Variants in LRP4 observed in about 807,000 individuals in gnomAD.
The protein encoded by LRP4 is LDL receptor related protein 4.
LRP4 carries 95 observed loss-of-function variants against 220.3 expected under a neutral mutation model. That is an observed-to-expected ratio of 0.43 (90% CI 0.37 to 0.51). The LOEUF is 0.51. Among genes scored for constraint, LRP4 ranks in the 20% least tolerant of loss-of-function variants. LRP4 has a pLI of 0.00. For missense variants in LRP4, 1,925 were observed against 2,567.0 expected, an observed-to-expected ratio of 0.75 and a Z score of 5.40; for synonymous variants, 903 against 954.6, an observed-to-expected ratio of 0.95 and a Z score of 1.00.
intron 13 of LRP4, among the ~76,000 whole-genome samples, chr11:46,891,701 G>A (rs1003710104): frequency 1.3e-5 from 2 of 151,750 alleles, no homozygotes; most frequent in South Asian, 2.1e-4. Context: ...CTGCAGCCTC[G>A]AACTCCAGGG....
chr11:46,891,538 T>C (rs1034007315), intron 13 of LRP4, among the ~76,000 whole-genome samples: 1 of 152,048 alleles, frequency 6.6e-6, no homozygotes, highest in Non-Finnish European at 1.5e-5. Context: ...AGATACTCCC[T>C]CCATTGATTG....
intron 11 of LRP4, 143 bp downstream of exon 11, chr11:46,895,023 T>G: frequency 7.8e-7 from 1 of 1,273,980 alleles, no homozygotes; most frequent in Non-Finnish European, 1.1e-6. Flanking sequence ...AGCATTTTTC[T>G]TGGGGCTCAG....
chr11:46,879,486 C>T (rs1941099424), intron 20 of LRP4, among the ~76,000 whole-genome samples, 171 bp from the exon 21 acceptor site: 1 of 152,256 alleles, frequency 6.6e-6, no homozygotes, highest in South Asian at 2.1e-4. Flanking sequence ...CAATCTGTGA[C>T]TTGATCATGC....
At position 46,858,280 on chromosome 11, in the gene LRP4, C is replaced by G. The variant is rs1940431165; in HGVS notation, c.*703G>C. ...CAGTTATCTGAATGTAGAAACAGCT[C>G]CAGACATTCTAGGAGGAGGAAGAAC... On this transcript the variant is annotated 3_prime_UTR_variant, in exon 38 of 38. Coordinates refer to ENST00000378623, the MANE Select transcript of LRP4 (RefSeq NM_002334.4). The G allele has an allele frequency of 6.4e-6, 1 of 155,758 alleles. No homozygotes were observed. Among genetic ancestry groups the G allele is most frequent in the Non-Finnish European group, 1.4e-5 (1 of 70,082 alleles). 9.6% of individuals were successfully genotyped at this position (155,758 alleles called of 1,614,324 possible).
At chr11:46,872,613 A>G (rs1341370086) in intron 30 of LRP4, among the ~76,000 whole-genome samples, 1 of 152,098 alleles carries the variant, frequency 6.6e-6, no homozygotes, top group Non-Finnish European at 1.5e-5. Context: ...GCATGGTGGC[A>G]TGTGCCTATA....
intron 22 of LRP4, among the ~76,000 whole-genome samples, chr11:46,878,635 AGT>A (rs1941075807): frequency 6.6e-6 from 1 of 152,140 alleles, no homozygotes; most frequent in Admixed American, 6.6e-5. Context: ...ATGAGAGGAA[AGT>A]GTCTTGAGAA....
chr11:46,885,494 C>T (rs1941267524), intron 18 of LRP4, among the ~76,000 whole-genome samples: 1 of 152,144 alleles, frequency 6.6e-6, no homozygotes, highest in Non-Finnish European at 1.5e-5. Context: ...CCTGATTTGG[C>T]TAGGCGCGGT....
chr11:46,884,053 C>G, intron 18 of LRP4, 77 bp from the exon 19 acceptor site: 1 of 1,128,448 alleles, frequency 8.9e-7, no homozygotes, highest in South Asian at 1.2e-5. Context: ...ACACAAGAGC[C>G]TGGTATGCGC....
chr11:46,899,429 C>A lies in LRP4; in HGVS notation c.505G>T (p.Gly169Cys). ...SCIAEHWYCD[G>C]DTDCKDGSDE... ...GAGCCATCTTTGCAGTCGGTGTCAC[C>A]GTCGCAGTACCAATGCTCAGCAATG... The change falls in exon 5 of 38, where the codon GGT becomes TGT. Residue 169 changes from glycine to cysteine, a missense_variant. Physicochemically the swap from Gly to Cys is radical, Grantham distance 159 (BLOSUM62 -3). This residue lies in a region of LRP4 where 412 missense variants were observed against 505.4 expected (regional missense o/e 0.82). Coordinates refer to ENST00000378623, the MANE Select transcript of LRP4 (RefSeq NM_002334.4). This position sits in a 1 kb window ranked among gnomAD's most constrained non-coding sequence, Gnocchi z 5.9. 1 of 1,614,162 alleles carries A rather than the reference C, an allele frequency of 6.2e-7. No homozygotes were observed. The highest frequency in any genetic ancestry group is 8.5e-7 in the Non-Finnish European group (1 of 1,180,012).
chr11:46,905,512 T>C (rs1941745274), intron 1 of LRP4, among the ~76,000 whole-genome samples: 1 of 152,176 alleles, frequency 6.6e-6, no homozygotes, highest in Admixed American at 6.5e-5. Context: ...TGGCGGTGCT[T>C]ACCGACATCT....
rs1215318544 is a variant in LRP4, at chr11:46,857,222, A to C, written c.*1761T>G. On this transcript the variant is annotated 3_prime_UTR_variant, in exon 38 of 38. Coordinates refer to ENST00000378623, the MANE Select transcript of LRP4 (RefSeq NM_002334.4). ...GTGCTCACTCCTTTACTGCTTGTTA[A>C]GTGTAATGTGGGGAGGCTCAGAACT... 1 of 152,254 alleles carries C rather than the reference A, an allele frequency of 6.6e-6. No homozygotes were observed. The highest frequency in any genetic ancestry group is 2.4e-5 in the African/African-American group (1 of 41,424). The allele number at this position is 152,254 out of a possible 1,614,324, so 9.4% of individuals were successfully genotyped here.
At chr11:46,905,106 T>A (rs1037885244) in intron 1 of LRP4, among the ~76,000 whole-genome samples, 1 of 151,780 alleles carries the variant, frequency 6.6e-6, no homozygotes, top group East Asian at 1.9e-4. Flanking sequence ...TCCTGTCTCT[T>A]CGGGTCTCTC....
intron 1 of LRP4, among the ~76,000 whole-genome samples, chr11:46,906,617 C>T (rs59342331): frequency 0.02 from 3,039 of 152,276 alleles, 98 homozygotes; most frequent in African/African-American, 0.07. Flanking sequence ...TCCAAAAGGC[C>T]TTGATATTAA....
At position 46,892,667 on chromosome 11, in the gene LRP4, G is replaced by A. The variant is rs538897822; in HGVS notation, c.1697+306C>T. Reference sequence around the variant, plus strand: ...GCTCACTGTAACCTGTGCCTCCTGGGTTCAAACAACTCTCCTGCCTCAACC... The same window carrying A: ...GCTCACTGTAACCTGTGCCTCCTGGATTCAAACAACTCTCCTGCCTCAACC... On this transcript the variant is annotated intron_variant, in intron 13 of 37. Coordinates refer to ENST00000378623, the MANE Select transcript of LRP4 (RefSeq NM_002334.4). 9.0e-4 allele frequency among the ~76,000 whole-genome samples: 137 copies of A among 151,400 alleles called. 1 individual carries two copies. Among genetic ancestry groups the A allele is most frequent in the Middle Eastern group, 3.4e-3 (1 of 292 alleles).
chr11:46,863,932 T>G (rs1940626938), intron 36 of LRP4, among the ~76,000 whole-genome samples: 1 of 152,156 alleles, frequency 6.6e-6, no homozygotes. Flanking sequence ...AACTGTAAGC[T>G]ACGTTTAAAG....
rs1372437143 is a variant in LRP4 at position 46,876,231 on chromosome 11, AT to A, written c.3536+234del. ...AGGTTAAATACCGGACCCAAGTGATATAGCTAATACATGATGAAAACATTTC... is the reference window on the plus strand; with the variant it reads ...AGGTTAAATACCGGACCCAAGTGATAAGCTAATACATGATGAAAACATTTC... On this transcript the variant is annotated intron_variant, in intron 25 of 37. Transcript: ENST00000378623. Among the ~76,000 whole-genome samples the A allele has an allele frequency of 7.9e-5, 12 of 152,318 alleles. No homozygotes were observed. In the East Asian group the frequency reaches 2.1e-3, roughly 27 times the overall value.
chr11:46,863,019 G>A lies in LRP4; in HGVS notation c.5244-272C>T, dbSNP rs1940599247. The stretch of plus-strand genomic sequence containing the variant: ...GAGTTGCCCTCCCTCATTCTCTTTT[G>A]CTCTTGCTCTGGGAGAAGCAACCTG... On this transcript the variant is annotated intron_variant, in intron 36 of 37. Coordinates refer to ENST00000378623, the MANE Select transcript of LRP4 (RefSeq NM_002334.4). 8.7e-6 allele frequency: 4 copies of A among 460,844 alleles called. 1 individual carries two copies. The highest frequency in any genetic ancestry group is 6.6e-5 in the South Asian group (3 of 45,182). 28.5% of individuals were successfully genotyped at this position (460,844 alleles called of 1,614,324 possible).
Position 46,859,233 on chromosome 11 carries a change from C to T in LRP4, c.5468G>A (p.Trp1823Ter). The change falls in exon 38 of 38, where the codon TGG (tryptophan) becomes TAG (stop). Residue 1823 changes from tryptophan to a stop codon, truncating the protein, a stop_gained. Coordinates refer to ENST00000378623, the MANE Select transcript of LRP4 (RefSeq NM_002334.4). LOFTEE classifies it high-confidence loss of function. Reference protein sequence around the residue: ...ICLLSGDDAEWDDLKQLRSSR... With the variant: ...ICLLSGDDAE Reference sequence around the variant, plus strand: ...GCTTCGCAGTTGCTTGAGGTCATCCCACTCAGCATCATCCCCAGACAGGAG... The same window carrying T: ...GCTTCGCAGTTGCTTGAGGTCATCCTACTCAGCATCATCCCCAGACAGGAG... 3 of 1,614,152 alleles carry T rather than the reference C, an allele frequency of 1.9e-6. No homozygotes were observed. Among genetic ancestry groups the T allele is most frequent in the South Asian group, 1.1e-5 (1 of 91,080 alleles).
intron 28 of LRP4, 28 bp downstream of exon 28, chr11:46,874,772 C>T (rs758918135): frequency 1.2e-6 from 2 of 1,610,110 alleles, no homozygotes; most frequent in Non-Finnish European, 1.7e-6. Context: ...AAATCTGTGT[C>T]TTCTGGAGGT....
Sources: allele counts gnomAD v4.1 joint callset (sites outside exome capture counted in the v4.1 genomes callset), GRCh38; gene constraint gnomAD v4.1.1; regional missense constraint gnomAD v4.1.1; non-coding constraint Gnocchi (gnomAD v3.1); transcripts MANE v1.5; gene names NCBI Gene and HGNC (gene_info 2026-07-23, HGNC 2026-07-21).